LRP8: variants seen among roughly 807,000 people sequenced by gnomAD.
The protein encoded by LRP8 is low-density lipoprotein receptor-related protein 8.
In LRP8, 46 loss-of-function variants were observed where a neutral mutation model predicts 111.6. The observed-to-expected ratio is 0.41, with a 90% CI of 0.33 to 0.53. LRP8 has a LOEUF of 0.53. Ranked by LOEUF, LRP8 falls within the 20% of genes least tolerant of loss-of-function variation. The probability of loss-of-function intolerance (pLI) is 0.20; values close to 1 mark genes in which losing one functional copy is unlikely to be tolerated. For missense variants in LRP8, 959 were observed against 1,297.4 expected (o/e 0.74, Z 4.01); for synonymous variants, 464 against 511.2 (o/e 0.91, Z 1.24).
At chr1:53,271,489 T>G (rs1646759564) in intron 6 of LRP8, 143 bp from the exon 7 acceptor site, 5 of 858,292 alleles carry the variant, frequency 5.8e-6, no homozygotes, top group Non-Finnish European at 9.0e-6. Flanking sequence ...TCACTGAGCC[T>G]CAGCCTCATC....
chr1:53,290,846 G>A (rs551171793), intron 2 of LRP8, among the ~76,000 whole-genome samples: 3 of 152,234 alleles, frequency 2.0e-5, no homozygotes, highest in East Asian at 1.9e-4. Context: ...TGGTGGGGGT[G>A]CGGGGGTGTT....
chr1:53,309,275 T>TA (rs965610237), intron 2 of LRP8, among the ~76,000 whole-genome samples: 9 of 150,988 alleles, frequency 6.0e-5, no homozygotes, highest in African/African-American at 1.9e-4. Flanking sequence ...ACTCCATCTT[T>TA]AAAAAAAAAG....
Position 53,295,007 on chromosome 1 carries a change from C to T in LRP8, c.245-5318G>A, listed in dbSNP as rs1018319102. Reference sequence around the variant, plus strand: ...GACTCCAGGGTCTTGAGGCCCCCTACGTGGGTCTCCCATGTTACATGCCTG... The same window carrying T: ...GACTCCAGGGTCTTGAGGCCCCCTATGTGGGTCTCCCATGTTACATGCCTG... On this transcript the variant is annotated intron_variant, in intron 2 of 18. Coordinates refer to ENST00000306052, the MANE Select transcript of LRP8 (RefSeq NM_004631.5). 3.9e-5 allele frequency among the ~76,000 whole-genome samples: 6 copies of T among 152,178 alleles called. No individual in the cohort carries two copies. In the South Asian group the frequency reaches 8.3e-4, roughly 21 times the overall value.
intron 5 of LRP8, among the ~76,000 whole-genome samples, chr1:53,276,147 T>G (rs1646909911): frequency 6.6e-6 from 1 of 151,074 alleles, no homozygotes; most frequent in African/African-American, 2.4e-5. Context: ...CTGGGAGAGG[T>G]GGAGGTGGGG....
rs1292503171 is a variant in LRP8, at chr1:53,264,303, G to T, written c.1521C>A (p.Val507=). 1 of 1,614,148 alleles carries T rather than the reference G, an allele frequency of 6.2e-7. No individual in the cohort carries two copies. Among genetic ancestry groups the T allele is most frequent in the Admixed American group, 1.7e-5 (1 of 60,020 alleles). The part of the protein sequence containing the change: ...HSPEGLAVDW[V]HKHIYWTDSG... ...AGTCAGTCCAGTAGATGTGCTTGTG[G>T]ACCCAGTCCACTGCCAGGCCCTCTG... is the stretch of plus-strand genomic sequence containing the variant. Residue 507 remains valine, a synonymous_variant, in exon 10 of 19, where the codon GTC becomes GTA. Coordinates refer to ENST00000306052, the MANE Select transcript of LRP8 (RefSeq NM_004631.5).
intron 6 of LRP8, chr1:53,274,768 C>T (rs1306962586): frequency 2.2e-6 from 1 of 456,316 alleles, no homozygotes; most frequent in East Asian, 6.9e-5. Flanking sequence ...TCCCGCCGTC[C>T]ACGCGCTTGC....
intron 2 of LRP8, among the ~76,000 whole-genome samples, chr1:53,321,866 G>A (rs1332980359): frequency 6.6e-6 from 1 of 152,160 alleles, no homozygotes; most frequent in Non-Finnish European, 1.5e-5. Flanking sequence ...CACACAGCCA[G>A]AGGGAAGCCA....
intron 5 of LRP8, 83 bp downstream of exon 5, chr1:53,276,609 A>G: frequency 8.6e-7 from 1 of 1,166,952 alleles, no homozygotes; most frequent in Non-Finnish European, 1.1e-6. Context: ...AGGCAATGAA[A>G]GGAAGCCTGC....
chr1:53,316,361 TAG>T (rs1030454195), intron 2 of LRP8, among the ~76,000 whole-genome samples: 2 of 152,178 alleles, frequency 1.3e-5, no homozygotes, highest in Admixed American at 6.5e-5. Flanking sequence ...GCAGCTGATG[TAG>T]AGTCTGCTCT....
chr1:53,265,885 G>A (rs1034153135), intron 9 of LRP8, among the ~76,000 whole-genome samples: 1 of 152,222 alleles, frequency 6.6e-6, no homozygotes, highest in African/African-American at 2.4e-5. Flanking sequence ...GAAAGTCCTA[G>A]GAGAGAACCT....
In LRP8 at chr1:53,279,842, A is replaced by G. The variant is rs919957539; in HGVS notation, c.496+745T>C. Among the ~76,000 whole-genome samples the G allele has an allele frequency of 6.6e-6, 1 of 152,164 alleles. No individual in the cohort carries two copies. Among genetic ancestry groups the G allele is most frequent in the Non-Finnish European group, 1.5e-5 (1 of 68,024 alleles). On this transcript the variant is annotated intron_variant, in intron 4 of 18. Coordinates refer to ENST00000306052, the MANE Select transcript of LRP8 (RefSeq NM_004631.5). The surrounding 1 kb of genome is among the most constrained non-coding windows in gnomAD (Gnocchi z 4.4). ...GGGAAGACTGTGTAGGATTCACCTC[A>G]CTGTCCCTTTCAGAGCCTGGCTTCA...
In LRP8 at chr1:53,260,740, G is replaced by C. The variant is rs557325373; in HGVS notation, c.1915-135C>G. ...TGATCTGTCCTGTCTATGGATTCAC[G>C]GTGGGGCTCTCAGCCTCTAATCTGT... On this transcript the variant is annotated intron_variant, in intron 12 of 18. Transcript: ENST00000306052. The C allele has an allele frequency of 7.4e-6, 6 of 808,912 alleles. No homozygotes were observed. The African/African-American group carries it at 1.0e-4, about 14-fold the overall frequency. 50.1% of individuals were successfully genotyped at this position (808,912 alleles called of 1,614,324 possible). A position where few individuals can be genotyped will look rare whatever the true frequency, so the allele number is the denominator to read the frequency against.
intron 13 of LRP8, among the ~76,000 whole-genome samples, chr1:53,258,765 C>T (rs1219392681): frequency 6.6e-6 from 1 of 151,564 alleles, no homozygotes; most frequent in Non-Finnish European, 1.5e-5. Context: ...AAATCTCTAG[C>T]CCCGCTATTA....
intron 2 of LRP8, among the ~76,000 whole-genome samples, chr1:53,314,434 A>G (rs1171398350): frequency 1.3e-5 from 2 of 152,230 alleles, no homozygotes; most frequent in East Asian, 3.8e-4. Context: ...CCACACCACA[A>G]GTCAGCTGTC....
At chr1:53,320,372 C>T (rs1310949623) in intron 2 of LRP8, among the ~76,000 whole-genome samples, 1 of 152,184 alleles carries the variant, frequency 6.6e-6, no homozygotes, top group East Asian at 1.9e-4. Flanking sequence ...ACAGTTCTGA[C>T]TCCAGTCCCA....
rs1557741920 is a variant in LRP8 at position 53,249,598 on chromosome 1, C to A, written c.2677-42G>T. ...ACTGTGGATGACCTCTGAGGTCACA[C>A]TCAGCCCCCTGACTGTGCTGTATAA... On this transcript the variant is annotated intron_variant, in intron 17 of 18. Transcript: ENST00000306052. The surrounding 1 kb of genome is among the most constrained non-coding windows in gnomAD (Gnocchi z 4.1). 2 of 1,533,442 alleles carry A rather than the reference C, an allele frequency of 1.3e-6. No homozygotes were observed. Among genetic ancestry groups the A allele is most frequent in the Non-Finnish European group, 8.8e-7 (1 of 1,139,506 alleles). 95.0% of individuals were successfully genotyped at this position (1,533,442 alleles called of 1,614,324 possible).
rs145443882 is a variant in LRP8 at position 53,254,534 on chromosome 1, C to T, written c.2503+583G>A. Among the ~76,000 whole-genome samples the T allele has an allele frequency of 2.0e-3, 310 of 152,146 alleles. 1 individual carries two copies. Among genetic ancestry groups the T allele is most frequent in the African/African-American group, 7.2e-3 (297 of 41,524 alleles). On this transcript the variant is annotated intron_variant, in intron 16 of 18. Transcript: ENST00000306052. ...AGCTTAACCTTAGGACCTACCAGGT[C>T]GTAATGAACTTATCTGTGTTATGTG...
At chr1:53,324,817 C>T (rs1356518544) in intron 2 of LRP8, among the ~76,000 whole-genome samples, 2 of 152,206 alleles carry the variant, frequency 1.3e-5, no homozygotes, top group Non-Finnish European at 2.9e-5. Flanking sequence ...CTAGATCACA[C>T]TCCTGGTGCT....
At chr1:53,319,682 G>A (rs541918606) in intron 2 of LRP8, among the ~76,000 whole-genome samples, 5 of 152,324 alleles carry the variant, frequency 3.3e-5, no homozygotes, top group South Asian at 4.1e-4. Context: ...CTGCCACTCC[G>A]GCTGCGGGGT....
Sources: gnomAD v4.1 joint callset for allele counts (sites outside exome capture counted in the v4.1 genomes callset) on GRCh38, gnomAD v4.1.1 for gene constraint, Gnocchi (gnomAD v3.1) non-coding constraint, MANE v1.5 for transcripts, NCBI Gene and HGNC (gene_info 2026-07-23, HGNC 2026-07-21) for gene names.